Variants in CFAP61 observed in about 807,000 individuals in gnomAD.
The protein encoded by CFAP61 is cilia- and flagella-associated protein 61.
In CFAP61, 107 loss-of-function variants were observed where a neutral mutation model predicts 135.6. The observed-to-expected ratio is 0.79, with a 90% CI of 0.67 to 0.93. CFAP61 has a LOEUF of 0.93. Ranked by LOEUF, CFAP61 falls within the 40% of genes least tolerant of loss-of-function variation. CFAP61 has a pLI of 0.00. For missense variants in CFAP61, 1,507 were observed against 1,556.2 expected (o/e 0.97, Z 0.53); for synonymous variants, 575 against 578.5 (o/e 0.99, Z 0.09).
Position 20,360,344 on chromosome 20 carries a change from C to A in CFAP61, c.3648C>A (p.Ser1216Arg). The change falls in exon 27 of 27, where the codon AGC becomes AGA. Residue 1216 changes from serine (S) to arginine (R), a missense_variant. By Grantham distance (110) the Ser-to-Arg change is moderately radical. Transcript: ENST00000245957. ...TCTACAAAACCCTGGTGGAGAGAAG[C>A]ACTCTTGACTACCTGCACTATAACC... ...ESIYKTLVER[S>R]TLDYLHYNRY... 2 of 1,613,884 alleles carry A rather than the reference C, an allele frequency of 1.2e-6. No individual in the cohort carries two copies. The highest frequency in any genetic ancestry group is 1.3e-5 in the African/African-American group (1 of 75,048).
intron 17 of CFAP61, among the ~76,000 whole-genome samples, chr20:20,213,095 C>T (rs545026284): frequency 6.6e-6 from 1 of 152,228 alleles, no homozygotes; most frequent in Admixed American, 6.5e-5. Flanking sequence ...GGCATGTGGG[C>T]CACAAGGAAG....
intron 17 of CFAP61, chr20:20,220,127 T>G (rs2048303506): frequency 1.3e-5 from 2 of 152,250 alleles, no homozygotes; most frequent in Non-Finnish European, 2.9e-5. Flanking sequence ...CCCCCCAGCC[T>G]CCGCGGAGAG....
At chr20:20,160,990 T>C (rs529597917) in intron 10 of CFAP61, among the ~76,000 whole-genome samples, 3 of 152,290 alleles carry the variant, frequency 2.0e-5, no homozygotes, top group African/African-American at 7.2e-5. Flanking sequence ...AAACACCCCA[T>C]GCTGGCAGCC....
chr20:20,158,469 G>A (rs959588781), intron 9 of CFAP61, among the ~76,000 whole-genome samples: 8 of 151,610 alleles, frequency 5.3e-5, no homozygotes, highest in Non-Finnish European at 7.4e-5. Context: ...ACAACTACAC[G>A]TCTATTAGAA....
chr20:20,314,106 G>T (rs550599726), intron 25 of CFAP61, among the ~76,000 whole-genome samples: 1 of 151,646 alleles, frequency 6.6e-6, no homozygotes. Context: ...ACATGAGAGC[G>T]AGTGCAGTGG....
At chr20:20,267,732 CAG>C (rs2052900923) in intron 21 of CFAP61, 4 of 152,288 alleles carry the variant, frequency 2.6e-5, no homozygotes, top group Admixed American at 2.6e-4. Context: ...GTGAGTTAAA[CAG>C]GGTTTTACTG....
intron 18 of CFAP61, among the ~76,000 whole-genome samples, chr20:20,240,609 A>T (rs1002887633): frequency 4.0e-5 from 6 of 150,830 alleles, no homozygotes; most frequent in African/African-American, 1.5e-4. Context: ...ATTAATAAGG[A>T]TCTTCTCATA....
intron 2 of CFAP61, among the ~76,000 whole-genome samples, chr20:20,061,024 A>G (rs181391371): frequency 1.2e-3 from 183 of 152,342 alleles, no homozygotes; most frequent in Non-Finnish European, 1.9e-3. Context: ...AGCCCACAGA[A>G]CCATGAGAGA....
rs529925949 is a variant in CFAP61 at position 20,146,854 on chromosome 20, C to T, written c.951+3906C>T. Reference sequence around the variant, plus strand: ...GTGATTTCTGAGATTTTAGTGCATCCGTCACCTGTGCAGTGTACACTGTAC... The same window carrying T: ...GTGATTTCTGAGATTTTAGTGCATCTGTCACCTGTGCAGTGTACACTGTAC... On this transcript the variant is annotated intron_variant, in intron 9 of 26. Coordinates refer to ENST00000245957, the MANE Select transcript of CFAP61 (RefSeq NM_015585.4). 3.3e-5 allele frequency among the ~76,000 whole-genome samples: 5 copies of T among 152,226 alleles called. No homozygotes were observed. The South Asian group carries it at 1.0e-3, about 32-fold the overall frequency.
At chr20:20,122,966 G>T (rs910028049) in intron 8 of CFAP61, among the ~76,000 whole-genome samples, 2 of 151,552 alleles carry the variant, frequency 1.3e-5, no homozygotes, top group African/African-American at 4.9e-5. Flanking sequence ...GGCCATTCTT[G>T]CAGGAGTAAG....
chr20:20,226,948 T>G (rs1424836562), intron 17 of CFAP61, among the ~76,000 whole-genome samples: 2 of 152,206 alleles, frequency 1.3e-5, no homozygotes, highest in African/African-American at 4.8e-5. Flanking sequence ...GTACAAGCAA[T>G]GTTAATTATG....
intron 13 of CFAP61, among the ~76,000 whole-genome samples, chr20:20,173,810 A>G (rs1260329817): frequency 6.6e-6 from 1 of 152,228 alleles, no homozygotes; most frequent in East Asian, 1.9e-4. Context: ...ACAATTGAAT[A>G]AAGACACTGG....
intron 2 of CFAP61, among the ~76,000 whole-genome samples, chr20:20,061,026 C>T (rs1203465189): frequency 1.3e-5 from 2 of 152,176 alleles, no homozygotes. Flanking sequence ...CCCACAGAAC[C>T]ATGAGAGATA....
At chr20:20,321,248 A>G (rs1295136535) in intron 25 of CFAP61, among the ~76,000 whole-genome samples, 1 of 152,172 alleles carries the variant, frequency 6.6e-6, no homozygotes, top group East Asian at 1.9e-4. Context: ...CCTAAAGTTA[A>G]TAAATGAGAG....
At chr20:20,122,934 T>C (rs1879977434) in intron 8 of CFAP61, among the ~76,000 whole-genome samples, 3 of 151,766 alleles carry the variant, frequency 2.0e-5, no homozygotes, top group African/African-American at 7.3e-5. Flanking sequence ...CTACTGTTTT[T>C]TTTAATATAT....
At chr20:20,176,413 A>G (rs1370307075) in intron 13 of CFAP61, among the ~76,000 whole-genome samples, 1 of 145,894 alleles carries the variant, frequency 6.9e-6, no homozygotes, top group African/African-American at 2.6e-5. Context: ...TTCATTGCGC[A>G]CCGTTCATAC....
In CFAP61 at chr20:20,111,102, T is replaced by C. The variant is rs187527520; in HGVS notation, c.859+12288T>C. On this transcript the variant is annotated intron_variant, in intron 8 of 26. Coordinates refer to ENST00000245957, the MANE Select transcript of CFAP61 (RefSeq NM_015585.4). ...CAGATTATAGTTTTCCATTGAAATATAGAATTTATAATCACCCCAATTTTG... is the reference window on the plus strand; with the variant it reads ...CAGATTATAGTTTTCCATTGAAATACAGAATTTATAATCACCCCAATTTTG... 4.7e-3 allele frequency among the ~76,000 whole-genome samples: 709 copies of C among 152,308 alleles called. 2 individuals are homozygous for C. Among genetic ancestry groups the C allele is most frequent in the Non-Finnish European group, 8.3e-3 (568 of 68,024 alleles).
At chr20:20,073,317 C>T (rs959150636) in intron 3 of CFAP61, among the ~76,000 whole-genome samples, 11 of 152,228 alleles carry the variant, frequency 7.2e-5, no homozygotes, top group African/African-American at 1.9e-4. Context: ...TGGGAGTTTT[C>T]AAGCTCATGA....
intron 1 of CFAP61, among the ~76,000 whole-genome samples, chr20:20,054,009 G>GTTTTTTTTTTTT (rs1491456523): frequency 1.1e-5 from 1 of 88,854 alleles, no homozygotes; most frequent in African/African-American, 4.0e-5. Flanking sequence ...TGTTTTTTTT[G>GTTTTTTTTTTTT]TTTGTTTTTT....
Sources: allele counts gnomAD v4.1 joint callset (sites outside exome capture counted in the v4.1 genomes callset), GRCh38; gene constraint gnomAD v4.1.1; transcripts MANE v1.5; gene names NCBI Gene and HGNC (gene_info 2026-07-23, HGNC 2026-07-21).